Variants in JAZF1 observed in about 807,000 individuals in gnomAD.
JAZF1 encodes the protein JAZF zinc finger 1, also known as juxtaposed with another zinc finger protein 1.
Under a neutral mutation model 26.4 loss-of-function variants are expected in JAZF1, and 8 were observed. The ratio of observed to expected loss-of-function variants is 0.30; its 90% confidence interval spans 0.18 to 0.55. The LOEUF (loss-of-function observed/expected upper bound fraction) is 0.55. Ranked by LOEUF, JAZF1 falls within the 20% of genes least tolerant of loss-of-function variation. The pLI, the probability that JAZF1 is intolerant of heterozygous loss-of-function variation, is 0.94. For missense variants in JAZF1, 199 were observed against 322.0 expected (o/e 0.62, Z 2.92); for synonymous variants, 126 against 122.3 (o/e 1.03, Z -0.20).
intron 1 of JAZF1, among the ~76,000 whole-genome samples, chr7:28,101,349 G>T (rs569687988): frequency 6.6e-6 from 1 of 151,938 alleles, no homozygotes; most frequent in Non-Finnish European, 1.5e-5. Flanking sequence ...ATATTATTAC[G>T]TATATTATGT....
intron 2 of JAZF1, among the ~76,000 whole-genome samples, chr7:27,909,597 C>G (rs998799802): frequency 7.4e-4 from 113 of 152,220 alleles, no homozygotes; most frequent in African/African-American, 2.7e-3. Flanking sequence ...ATCCCAGCTA[C>G]TAGGGAGGCT....
At chr7:28,020,941 T>C (rs907952265) in intron 1 of JAZF1, 4 of 316,990 alleles carry the variant, frequency 1.3e-5, no homozygotes, top group African/African-American at 2.2e-5. Context: ...CCTGGTTCTT[T>C]GGAATTTCAA....
chr7:27,862,897 T>C (rs1333804922), intron 3 of JAZF1, among the ~76,000 whole-genome samples: 1 of 152,226 alleles, frequency 6.6e-6, no homozygotes, highest in African/African-American at 2.4e-5. Context: ...GTTCCAGGCC[T>C]GTCTTGGATT....
intron 2 of JAZF1, among the ~76,000 whole-genome samples, chr7:27,978,823 A>C (rs1785521029): frequency 6.6e-6 from 1 of 151,632 alleles, no homozygotes; most frequent in Non-Finnish European, 1.5e-5. Flanking sequence ...AAACATAAAG[A>C]CCACAGTACC....
At chr7:28,061,820 T>C (rs1280166293) in intron 1 of JAZF1, among the ~76,000 whole-genome samples, 1 of 152,266 alleles carries the variant, frequency 6.6e-6, no homozygotes, top group Non-Finnish European at 1.5e-5. Flanking sequence ...AAGTGGGTAT[T>C]TCTTGATTTT....
intron 3 of JAZF1, among the ~76,000 whole-genome samples, chr7:27,851,638 G>C (rs930075428): frequency 2.0e-5 from 3 of 152,192 alleles, no homozygotes; most frequent in African/African-American, 7.2e-5. Context: ...AGGCTGCAGT[G>C]AGTGGTGATG....
intron 1 of JAZF1, among the ~76,000 whole-genome samples, chr7:27,995,055 G>A (rs1401682717): frequency 6.6e-6 from 1 of 152,168 alleles, no homozygotes; most frequent in Non-Finnish European, 1.5e-5. Flanking sequence ...ACTGGAAAGA[G>A]TAACACTATT....
chr7:28,100,338 T>C lies in JAZF1; in HGVS notation c.115+80125A>G, dbSNP rs75032496. On this transcript the variant is annotated intron_variant, in intron 1 of 4. Transcript: ENST00000283928. Reference sequence around the variant, plus strand: ...GCATCTCTCTGAGCTCGCCTAAAACTTGTATAAAGTAAATCACTGCAAATC... The same window carrying C: ...GCATCTCTCTGAGCTCGCCTAAAACCTGTATAAAGTAAATCACTGCAAATC... 8.2e-3 allele frequency among the ~76,000 whole-genome samples: 1,249 copies of C among 152,264 alleles called. 11 individuals carry two copies. Among genetic ancestry groups the C allele is most frequent in the African/African-American group, 0.028 (1,167 of 41,540 alleles).
intron 1 of JAZF1, among the ~76,000 whole-genome samples, chr7:28,110,530 A>G (rs56362010): frequency 0.013 from 746 of 55,702 alleles, 53 homozygotes; most frequent in African/African-American, 0.044. Context: ...GAAAAGGAAA[A>G]GGAAAGGAAA....
At chr7:27,856,604 C>T (rs1266249402) in intron 3 of JAZF1, among the ~76,000 whole-genome samples, 3 of 152,150 alleles carry the variant, frequency 2.0e-5, no homozygotes, top group African/African-American at 4.8e-5. Flanking sequence ...CTGATTGGTG[C>T]GTTTACAATC....
At chr7:27,998,103 A>AGGCAG (rs1425465465) in intron 1 of JAZF1, among the ~76,000 whole-genome samples, 2 of 93,940 alleles carry the variant, frequency 2.1e-5, no homozygotes, top group South Asian at 3.5e-4. Context: ...GGCAGACATG[A>AGGCAG]GCAAAGTAAC....
At chr7:27,853,813 A>G (rs950918781) in intron 3 of JAZF1, among the ~76,000 whole-genome samples, 1 of 152,196 alleles carries the variant, frequency 6.6e-6, no homozygotes, top group African/African-American at 2.4e-5. Context: ...CAATTTTAGA[A>G]TAAGTTTGAT....
At chr7:28,121,986 T>A (rs1018647860) in intron 1 of JAZF1, among the ~76,000 whole-genome samples, 7 of 152,220 alleles carry the variant, frequency 4.6e-5, no homozygotes, top group African/African-American at 1.7e-4. Flanking sequence ...AAGAAAAGTT[T>A]TCAAGATCAA....
chr7:27,961,470 G>C (rs1252858038), intron 2 of JAZF1, among the ~76,000 whole-genome samples: 1 of 152,230 alleles, frequency 6.6e-6, no homozygotes, highest in Non-Finnish European at 1.5e-5. Context: ...CAGACCCACT[G>C]ATTGTCCCAG....
At chr7:28,114,370 A>G (rs1784707475) in intron 1 of JAZF1, among the ~76,000 whole-genome samples, 1 of 151,720 alleles carries the variant, frequency 6.6e-6, no homozygotes, top group Non-Finnish European at 1.5e-5. Context: ...ACTAGAACTC[A>G]CTGCGGGTTT....
intron 1 of JAZF1, among the ~76,000 whole-genome samples, chr7:28,083,415 T>C (rs1001778305): frequency 6.6e-6 from 1 of 152,182 alleles, no homozygotes; most frequent in Admixed American, 6.5e-5. Context: ...TGATACGTAA[T>C]GGGAGTACCA....
In JAZF1 at chr7:28,050,662, T is replaced by C. The variant is rs563509529; in HGVS notation, c.116-58681A>G. Reference sequence around the variant, plus strand: ...GATTTTCTTTGTGGCTTAGTCTCTGTCAGTTTTTGTAAGTGTCACTAAGTA... The same window carrying C: ...GATTTTCTTTGTGGCTTAGTCTCTGCCAGTTTTTGTAAGTGTCACTAAGTA... On this transcript the variant is annotated intron_variant, in intron 1 of 4. Transcript: ENST00000283928. Among the ~76,000 whole-genome samples, 4 of 152,336 alleles carry C rather than the reference T, an allele frequency of 2.6e-5. No homozygotes were observed. In the South Asian group the frequency reaches 8.3e-4, roughly 32 times the overall value.
chr7:28,066,135 AC>A lies in JAZF1; in HGVS notation c.116-74155del, dbSNP rs562781984. 4.6e-5 allele frequency among the ~76,000 whole-genome samples: 7 copies of A among 152,346 alleles called. No homozygotes were observed. In the East Asian group the frequency reaches 1.2e-3, roughly 25 times the overall value. ...AGATTTAGTCTTTGCTAAGCTCATT[AC>A]AGAAGTGTTAACACACACCTTAGAT... On this transcript the variant is annotated intron_variant, in intron 1 of 4. Transcript: ENST00000283928.
chr7:27,840,644 T>C lies in JAZF1; in HGVS notation c.555+54A>G. On this transcript the variant is annotated intron_variant, in intron 4 of 4. Coordinates refer to ENST00000283928, the MANE Select transcript of JAZF1 (RefSeq NM_175061.4). The surrounding 1 kb of genome is among the most constrained non-coding windows in gnomAD (Gnocchi z 5.1). The stretch of plus-strand genomic sequence containing the variant: ...ATCAAGAAAGGGCTGCTGCCTTCCA[T>C]GAAGCTTGCCCTGTTTCCATGTGGT... 6.4e-7 allele frequency: 1 copy of C among 1,572,356 alleles called. No individual in the cohort carries two copies. The highest frequency in any genetic ancestry group is 8.7e-7 in the Non-Finnish European group (1 of 1,149,222).
Sources: gnomAD v4.1 joint callset for allele counts (sites outside exome capture counted in the v4.1 genomes callset) on GRCh38, gnomAD v4.1.1 for gene constraint, Gnocchi (gnomAD v3.1) non-coding constraint, MANE v1.5 for transcripts, NCBI Gene and HGNC (gene_info 2026-07-23, HGNC 2026-07-21) for gene names.